GALNT3: variants seen among roughly 807,000 people sequenced by gnomAD.
GALNT3 encodes the protein polypeptide N-acetylgalactosaminyltransferase 3.
GALNT3 carries 51 observed loss-of-function variants against 69.8 expected under a neutral mutation model. The ratio of observed to expected loss-of-function variants is 0.73; its 90% CI spans 0.58 to 0.92. GALNT3 has a LOEUF of 0.92. Ranked by LOEUF, GALNT3 falls within the 40% of genes least tolerant of loss-of-function variation. GALNT3 has a pLI of 0.00. For missense variants in GALNT3, 711 were observed against 760.0 expected (o/e 0.94, Z 0.76); for synonymous variants, 265 against 248.5 (o/e 1.07, Z -0.63).
intron 10 of GALNT3, 84 bp downstream of exon 10, chr2:165,749,658 G>T: frequency 8.8e-7 from 1 of 1,139,976 alleles, no homozygotes; most frequent in Non-Finnish European, 1.3e-6. Context: ...TAATATTAAT[G>T]TACCATGTTC....
chr2:165,780,650 TTG>T (rs1559006018), intron 1 of GALNT3, among the ~76,000 whole-genome samples: 69 of 136,096 alleles, frequency 5.1e-4, no homozygotes, highest in East Asian at 1.3e-3. Flanking sequence ...GGTTTTTTTG[TTG>T]TTGTTGTTGT....
At chr2:165,778,962 A>T (rs922623018) in intron 1 of GALNT3, among the ~76,000 whole-genome samples, 7 of 151,448 alleles carry the variant, frequency 4.6e-5, no homozygotes, top group African/African-American at 1.7e-4. Flanking sequence ...CTGAGGAGAG[A>T]GTTTGGGGAG....
In GALNT3 at chr2:165,794,008, G is replaced by A. The variant is rs1296494806; in HGVS notation, c.-109+7C>T. 6.6e-6 allele frequency: 1 copy of A among 152,366 alleles called. No homozygotes were observed. Among genetic ancestry groups the A allele is most frequent in the Non-Finnish European group, 1.5e-5 (1 of 68,152 alleles). 9.4% of individuals were successfully genotyped at this position (152,366 alleles called of 1,614,324 possible). ...ACCGCGTCTCCCTCCGCCTGCCGCCGGCTTACCTGGCGGGTGGGCAGGGCA... is the reference window on the plus strand; with the variant it reads ...ACCGCGTCTCCCTCCGCCTGCCGCCAGCTTACCTGGCGGGTGGGCAGGGCA... On this transcript the variant is annotated splice_region_variant and intron_variant, in intron 1 of 10. Transcript: ENST00000392701.
intron 3 of GALNT3, 54 bp from the exon 4 acceptor site, chr2:165,762,108 G>C: frequency 1.6e-6 from 2 of 1,224,092 alleles, no homozygotes; most frequent in Admixed American, 3.6e-5. Flanking sequence ...TTCATATATA[G>C]CTTATGAAAG....
chr2:165,782,925 A>G (rs1269416141), intron 1 of GALNT3, among the ~76,000 whole-genome samples: 2 of 152,134 alleles, frequency 1.3e-5, no homozygotes, highest in African/African-American at 4.8e-5. Context: ...AGATGAAGGG[A>G]TGCTATAGTA....
chr2:165,767,851 T>C (rs1688670830), intron 2 of GALNT3, among the ~76,000 whole-genome samples: 2 of 150,618 alleles, frequency 1.3e-5, no homozygotes, highest in African/African-American at 4.9e-5. Flanking sequence ...CTGGTTACAT[T>C]CAAAGTAAAA....
At chr2:165,767,548 TCAATA>T (rs1470473483) in intron 2 of GALNT3, among the ~76,000 whole-genome samples, 6 of 152,198 alleles carry the variant, frequency 3.9e-5, no homozygotes, top group Admixed American at 2.6e-4. Context: ...AAATGTCATA[TCAATA>T]CAAGTAATAA....
chr2:165,759,228 G>T, intron 5 of GALNT3, 108 bp downstream of exon 5: 2 of 860,656 alleles, frequency 2.3e-6, no homozygotes, highest in Non-Finnish European at 1.9e-6. Context: ...GAATATGTGT[G>T]TTCTTTATCA....
chr2:165,751,113 C>A (rs1688350572), intron 9 of GALNT3, among the ~76,000 whole-genome samples: 4 of 151,964 alleles, frequency 2.6e-5, no homozygotes, highest in Admixed American at 1.3e-4. Context: ...AGTCATAACA[C>A]CCATCACAAA....
chr2:165,752,327 C>T (rs1688369667), intron 9 of GALNT3, among the ~76,000 whole-genome samples: 1 of 152,150 alleles, frequency 6.6e-6, no homozygotes, highest in African/African-American at 2.4e-5. Flanking sequence ...CTTAAAATAA[C>T]CACCCTACCC....
At position 165,770,589 on chromosome 2, in the gene GALNT3, G is replaced by T. The variant is rs754230823; in HGVS notation, c.112C>A (p.Gln38Lys). 5 of 1,608,386 alleles carry T rather than the reference G, an allele frequency of 3.1e-6. No individual in the cohort carries two copies. In the Admixed American group the frequency reaches 6.7e-5, roughly 22 times the overall value. ...FFFIIVLVLMQREVSVQYSKE... is the reference protein window; with the variant it reads ...FFFIIVLVLMKREVSVQYSKE... ...GAATATTGAACACTTACTTCTCTTTGCATTAAAACCAAAACTATTATAAAG... is the reference window on the plus strand; with the variant it reads ...GAATATTGAACACTTACTTCTCTTTTCATTAAAACCAAAACTATTATAAAG... Residue 38 changes from glutamine to lysine, a missense_variant, in exon 2 of 11, where the codon CAA (glutamine) becomes AAA (lysine). Coordinates refer to ENST00000392701, the MANE Select transcript of GALNT3 (RefSeq NM_004482.4).
intron 1 of GALNT3, among the ~76,000 whole-genome samples, chr2:165,781,704 C>T (rs912730053): frequency 2.6e-5 from 4 of 151,932 alleles, no homozygotes; most frequent in Non-Finnish European, 5.9e-5. Flanking sequence ...TTCTTATATG[C>T]TCTACAAGGA....
At chr2:165,768,187 T>G (rs1188314955) in intron 2 of GALNT3, among the ~76,000 whole-genome samples, 1 of 152,214 alleles carries the variant, frequency 6.6e-6, no homozygotes, top group Non-Finnish European at 1.5e-5. Flanking sequence ...TACAAAACCC[T>G]GTCCAAAGTA....
intron 2 of GALNT3, among the ~76,000 whole-genome samples, chr2:165,769,355 G>A (rs1445689970): frequency 2.0e-5 from 3 of 147,338 alleles, no homozygotes; most frequent in African/African-American, 7.4e-5. Context: ...GCAGTGAGCC[G>A]AGATCACACT....
intron 4 of GALNT3, among the ~76,000 whole-genome samples, chr2:165,761,503 C>T (rs887205697): frequency 1.1e-4 from 16 of 152,028 alleles, no homozygotes; most frequent in African/African-American, 2.2e-4. Context: ...TGAGCCACCA[C>T]GCCCGGCTAC....
At position 165,749,833 on chromosome 2, in the gene GALNT3, T is replaced by C; in HGVS notation, c.1688A>G (p.His563Arg). 1 of 1,613,738 alleles carries C rather than the reference T, an allele frequency of 6.2e-7. No individual in the cohort carries two copies. The highest frequency in any genetic ancestry group is 8.5e-7 in the Non-Finnish European group (1 of 1,179,668). ...CAGCTGAACGAGACCTTGAGCAGCA[T>C]GAAGACATAATTCCTTCTGGATGTT... The part of the protein sequence containing the change: ...RHNIQKELCL[H>R]AAQGLVQLKA... The change falls in exon 10 of 11, where the codon CAT becomes CGT. Residue 563 changes from histidine to arginine, a missense_variant. His to Arg is a conservative substitution (Grantham distance 29). Coordinates refer to ENST00000392701, the MANE Select transcript of GALNT3 (RefSeq NM_004482.4).
intron 1 of GALNT3, among the ~76,000 whole-genome samples, chr2:165,783,362 C>T (rs1221545193): frequency 6.6e-6 from 1 of 151,616 alleles, no homozygotes; most frequent in African/African-American, 2.4e-5. Flanking sequence ...AAGCAGTAGG[C>T]AATTTCTCTC....
At chr2:165,789,809 T>A (rs1214751236) in intron 1 of GALNT3, among the ~76,000 whole-genome samples, 3 of 152,170 alleles carry the variant, frequency 2.0e-5, no homozygotes, top group African/African-American at 7.2e-5. Flanking sequence ...TATTATGTAA[T>A]CAAACAGCAC....
intron 4 of GALNT3, 130 bp downstream of exon 4, chr2:165,761,774 TA>T: frequency 1.0e-6 from 1 of 978,834 alleles, no homozygotes; most frequent in Non-Finnish European, 1.6e-6. Context: ...GTCATTGCTA[TA>T]ATCGCCAGTT....
Sources: allele counts gnomAD v4.1 joint callset (sites outside exome capture counted in the v4.1 genomes callset), GRCh38; gene constraint gnomAD v4.1.1; transcripts MANE v1.5; gene names NCBI Gene and HGNC (gene_info 2026-07-23, HGNC 2026-07-21).